PDE2A: variants seen among roughly 807,000 people sequenced by gnomAD.
PDE2A encodes the protein phosphodiesterase 2A, also known as cGMP-dependent 3',5'-cyclic phosphodiesterase.
A neutral mutation model predicts 133.6 loss-of-function variants in PDE2A; 53 were observed. The observed-to-expected ratio is 0.40, with a 90% confidence interval of 0.32 to 0.50. The LOEUF (loss-of-function observed/expected upper bound fraction) is 0.50. Ranked by LOEUF, PDE2A falls within the 20% of genes least tolerant of loss-of-function variation. The pLI, the probability that PDE2A is intolerant of heterozygous loss-of-function variation, is 0.73. For missense variants in PDE2A, 796 were observed against 1,232.4 expected (o/e 0.65, Z 5.30); for synonymous variants, 491 against 490.2 (o/e 1.00, Z -0.02).
At chr11:72,584,164 CT>C (rs773264701) in intron 19 of PDE2A, 36 bp downstream of exon 19, 71 of 878,280 alleles carry the variant, frequency 8.1e-5, no homozygotes, top group Non-Finnish European at 1.1e-4. Context: ...GCCCCGCCCC[CT>C]ATCACCCCAC....
chr11:72,656,059 G>A (rs574082807), intron 1 of PDE2A, among the ~76,000 whole-genome samples: 4 of 152,264 alleles, frequency 2.6e-5, no homozygotes, highest in African/African-American at 7.2e-5. Flanking sequence ...CCCGGCATCC[G>A]GAGAGGAATG....
At chr11:72,611,873 C>T (rs1319066170) in intron 2 of PDE2A, among the ~76,000 whole-genome samples, 1 of 152,196 alleles carries the variant, frequency 6.6e-6, no homozygotes, top group African/African-American at 2.4e-5. Context: ...AGCAACTTCA[C>T]CCCCATTGCA....
intron 30 of PDE2A, among the ~76,000 whole-genome samples, chr11:72,577,824 T>G (rs1189973890): frequency 1.3e-5 from 2 of 152,048 alleles, no homozygotes; most frequent in Non-Finnish European, 2.9e-5. Context: ...AATACAAAAT[T>G]AGCTGGGCGT....
intron 26 of PDE2A, 63 bp from the exon 27 acceptor site, chr11:72,579,446 A>T (rs1855614211): frequency 2.6e-6 from 4 of 1,567,980 alleles, no homozygotes. Context: ...TGCCCATCCC[A>T]GTGAGCCTCC....
chr11:72,624,351 A>G (rs1286957491), intron 2 of PDE2A, among the ~76,000 whole-genome samples: 9 of 152,158 alleles, frequency 5.9e-5, no homozygotes, highest in Admixed American at 5.9e-4. Context: ...GTGCCTTCCC[A>G]TGACAGTGTC....
At chr11:72,644,655 G>A (rs528452707) in intron 1 of PDE2A, among the ~76,000 whole-genome samples, 1 of 152,324 alleles carries the variant, frequency 6.6e-6, no homozygotes, top group African/African-American at 2.4e-5. Flanking sequence ...GCCTGGCACC[G>A]CCACCATCTC....
intron 2 of PDE2A, among the ~76,000 whole-genome samples, chr11:72,618,334 C>T (rs1857579631): frequency 6.6e-6 from 1 of 152,240 alleles, no homozygotes; most frequent in Admixed American, 6.5e-5. Flanking sequence ...CTGTGGTGTC[C>T]TCTCTTCTCT....
In PDE2A at chr11:72,597,602, T is replaced by C; in HGVS notation, c.341A>G (p.Gln114Arg). 4 of 1,612,034 alleles carry C rather than the reference T, an allele frequency of 2.5e-6. No individual in the cohort carries two copies. The highest frequency in any genetic ancestry group is 3.4e-6 in the Non-Finnish European group (4 of 1,178,826). Residue 114 changes from glutamine to arginine, a missense_variant, in exon 5 of 31, where the codon CAG (glutamine) becomes CGG (arginine). Physicochemically the swap from Gln to Arg is conservative, Grantham distance 43 (BLOSUM62 1). Coordinates refer to ENST00000334456, the MANE Select transcript of PDE2A (RefSeq NM_002599.5). The surrounding 1 kb of genome is among the most constrained non-coding windows in gnomAD (Gnocchi z 4.6). The stretch of plus-strand genomic sequence containing the variant: ...CAGCCCATTGCAGCCCAGCCGCTTC[T>C]GGGAGATGATAGCCTCCCTGAAAAG... ...EGKVREAIIS[Q>R]KRLGCNGLGF...
chr11:72,586,311 C>T (rs958662789), intron 13 of PDE2A, 130 bp from the exon 14 acceptor site: 3 of 646,232 alleles, frequency 4.6e-6, no homozygotes, highest in Non-Finnish European at 8.4e-6. Flanking sequence ...TGCACAGGCC[C>T]TTGGAACAGC....
intron 1 of PDE2A, among the ~76,000 whole-genome samples, chr11:72,670,299 A>C (rs1238683285): frequency 6.6e-6 from 1 of 152,296 alleles, no homozygotes; most frequent in Admixed American, 6.5e-5. Flanking sequence ...GGCTCTGTCC[A>C]TCTGCCCCCA....
At position 72,577,165 on chromosome 11, in the gene PDE2A, CT is replaced by C; in HGVS notation, c.*218del. The C allele has an allele frequency of 1.8e-6, 1 of 569,030 alleles. No homozygotes were observed. The highest frequency in any genetic ancestry group is 3.1e-6 in the Non-Finnish European group (1 of 319,368). 35.2% of individuals were successfully genotyped at this position (569,030 alleles called of 1,614,324 possible). ...CCACTGCTCATTGGTCACCCCTGTG[CT>C]CTCAGAAAACAAATTACAAAGTCTC... On this transcript the variant is annotated 3_prime_UTR_variant, in exon 31 of 31. Coordinates refer to ENST00000334456, the MANE Select transcript of PDE2A (RefSeq NM_002599.5).
intron 2 of PDE2A, chr11:72,615,213 CCACAACCAG>C (rs1857406970): frequency 5.3e-6 from 2 of 380,514 alleles, no homozygotes; most frequent in Non-Finnish European, 1.2e-5. Context: ...CTTCCAGCGC[CCACAACCAG>C]CTCCGCCCCG....
At chr11:72,602,942 G>A (rs1252139627) in intron 4 of PDE2A, among the ~76,000 whole-genome samples, 1 of 152,208 alleles carries the variant, frequency 6.6e-6, no homozygotes, top group Non-Finnish European at 1.5e-5. Context: ...TGTGGAGATG[G>A]GCTCACCACC....
At chr11:72,650,251 G>A (rs1352310471) in intron 1 of PDE2A, among the ~76,000 whole-genome samples, 1 of 152,046 alleles carries the variant, frequency 6.6e-6, no homozygotes, top group African/African-American at 2.4e-5. Context: ...TTGAAGTCCT[G>A]ACCTCAAGTG....
At chr11:72,651,385 C>T (rs1854737187) in intron 1 of PDE2A, among the ~76,000 whole-genome samples, 1 of 151,994 alleles carries the variant, frequency 6.6e-6, no homozygotes, top group South Asian at 2.1e-4. Context: ...GTTGGGGATA[C>T]CAAGGACTGG....
chr11:72,628,615 C>T (rs7930245), intron 2 of PDE2A, among the ~76,000 whole-genome samples: 22,827 of 152,222 alleles, frequency 0.15, 1,804 homozygotes, highest in Middle Eastern at 0.17. Flanking sequence ...AAGCGTGAGC[C>T]ACCGCTCCCG....
At chr11:72,595,056 A>G (rs1174687590) in intron 6 of PDE2A, among the ~76,000 whole-genome samples, 1 of 152,052 alleles carries the variant, frequency 6.6e-6, no homozygotes, top group Non-Finnish European at 1.5e-5. Flanking sequence ...ACACACACAC[A>G]CACACACACA....
rs181734218 is a variant in PDE2A at position 72,664,563 on chromosome 11, C to T, written c.71+9574G>A. Among the ~76,000 whole-genome samples, 192 of 150,214 alleles carry T rather than the reference C, an allele frequency of 1.3e-3. 1 individual carries two copies. The highest frequency in any genetic ancestry group is 4.5e-3 in the African/African-American group (184 of 40,826). On this transcript the variant is annotated intron_variant, in intron 1 of 30. Coordinates refer to ENST00000334456, the MANE Select transcript of PDE2A (RefSeq NM_002599.5). The stretch of plus-strand genomic sequence containing the variant: ...TAATTTTTTGTATTTTTAGTAGAGA[C>T]GGGGTTTCACCGTGTTAGCCAGGAT...
At position 72,582,433 on chromosome 11, in the gene PDE2A, G is replaced by T; in HGVS notation, c.1851+11C>A. 6.2e-7 allele frequency: 1 copy of T among 1,613,212 alleles called. No homozygotes were observed. The highest frequency in any genetic ancestry group is 1.3e-5 in the African/African-American group (1 of 75,028). On this transcript the variant is annotated intron_variant, in intron 21 of 30. Transcript: ENST00000334456. ...TCGGCCTGGCCAGTCAAGTGGAGGA[G>T]AGCAACTCACCATGGACGTGTCATC... is the stretch of plus-strand genomic sequence containing the variant.
Sources: gnomAD v4.1 joint callset for allele counts (sites outside exome capture counted in the v4.1 genomes callset) on GRCh38, gnomAD v4.1.1 for gene constraint, Gnocchi (gnomAD v3.1) non-coding constraint, MANE v1.5 for transcripts, NCBI Gene and HGNC (gene_info 2026-07-23, HGNC 2026-07-21) for gene names.